CIMIP2C: variants seen among roughly 807,000 people sequenced by gnomAD.
CIMIP2C encodes UPF0573 protein C2orf70.
chr2:26,579,166 G>T, the CIMIP2C span: 1 of 1,034,884 alleles, frequency 9.7e-7, no homozygotes, highest in East Asian at 2.4e-5. Context: ...GACTTATCAG[G>T]TGTTAAACTG....
the CIMIP2C span, chr2:26,572,062 A>G: frequency 1.3e-6 from 2 of 1,524,750 alleles, no homozygotes; most frequent in South Asian, 1.3e-5. Flanking sequence ...AAAACCATCA[A>G]AGGACTAAAG....
chr2:26,565,389 C>A, the CIMIP2C span, among the ~76,000 whole-genome samples: 2 of 152,218 alleles, frequency 1.3e-5, no homozygotes, highest in Non-Finnish European at 2.9e-5. Flanking sequence ...CCACGCCTGG[C>A]CTTTTTTCTT....
chr2:26,575,471 G>C, the CIMIP2C span, among the ~76,000 whole-genome samples: 6 of 152,196 alleles, frequency 3.9e-5, no homozygotes, highest in Non-Finnish European at 8.8e-5. Flanking sequence ...GCATTGACTG[G>C]GGGGGTATCT....
chr2:26,568,649 T>C, the CIMIP2C span, among the ~76,000 whole-genome samples: 1 of 152,206 alleles, frequency 6.6e-6, no homozygotes, highest in African/African-American at 2.4e-5. Flanking sequence ...CATGCCAGTA[T>C]GAGTACAACA....
At chr2:26,577,669 G>T in the CIMIP2C span, 1 of 1,462,038 alleles carries the variant, frequency 6.8e-7, no homozygotes, top group African/African-American at 1.4e-5. Flanking sequence ...GTCAAGAAAC[G>T]CACCCATGGG....
the CIMIP2C span, among the ~76,000 whole-genome samples, chr2:26,565,058 TTCTTCC>T: frequency 4.7e-5 from 7 of 148,582 alleles, no homozygotes; most frequent in East Asian, 3.9e-4. Context: ...CTTCTCCTTC[TTCTTCC>T]CCTTCCCCTT....
At chr2:26,575,958 C>T in the CIMIP2C span, 1 of 1,614,074 alleles carries the variant, frequency 6.2e-7, no homozygotes, top group South Asian at 1.1e-5. Context: ...TACGGCACCA[C>T]CACCCTCAAG....
At chr2:26,577,472 C>A in the CIMIP2C span, 9 of 1,558,282 alleles carry the variant, frequency 5.8e-6, no homozygotes, top group Non-Finnish European at 8.0e-6. Context: ...GTGGTCAGTC[C>A]TGTGCACTAA....
chr2:26,570,895 A>G, the CIMIP2C span, among the ~76,000 whole-genome samples: 4 of 152,132 alleles, frequency 2.6e-5, no homozygotes, highest in African/African-American at 9.7e-5. Flanking sequence ...GCCACAGGCC[A>G]GTGGCTAAGG....
the CIMIP2C span, among the ~76,000 whole-genome samples, chr2:26,563,838 A>AG: frequency 1.3e-5 from 2 of 152,220 alleles, no homozygotes; most frequent in Non-Finnish European, 2.9e-5. Flanking sequence ...AGTAGCAACC[A>AG]GGGGCTGGTG....
At chr2:26,577,515 G>A in the CIMIP2C span, 1 of 1,612,316 alleles carries the variant, frequency 6.2e-7, no homozygotes, top group South Asian at 1.1e-5. Context: ...TTGAACCATA[G>A]ATGGTCCAGC....
chr2:26,573,879 G>T, the CIMIP2C span, among the ~76,000 whole-genome samples: 1 of 152,238 alleles, frequency 6.6e-6, no homozygotes, highest in Non-Finnish European at 1.5e-5. Context: ...ACCCCAGGAA[G>T]GCACAACTGT....
chr2:26,573,017 G>A, the CIMIP2C span, among the ~76,000 whole-genome samples: 1 of 152,228 alleles, frequency 6.6e-6, no homozygotes, highest in African/African-American at 2.4e-5. Context: ...CACGTCACAG[G>A]TTAGGTTTTT....
the CIMIP2C span, among the ~76,000 whole-genome samples, chr2:26,574,560 C>T: frequency 6.6e-6 from 1 of 152,196 alleles, no homozygotes; most frequent in Non-Finnish European, 1.5e-5. Flanking sequence ...CAGCCTAAGG[C>T]TTGGAGAGAA....
chr2:26,575,507 C>T, the CIMIP2C span, among the ~76,000 whole-genome samples: 1 of 152,172 alleles, frequency 6.6e-6, no homozygotes, highest in Non-Finnish European at 1.5e-5. Flanking sequence ...GTGTAAGCCC[C>T]TGGTCTGGAG....
At chr2:26,577,171 G>A in the CIMIP2C span, among the ~76,000 whole-genome samples, 28 of 152,220 alleles carry the variant, frequency 1.8e-4, no homozygotes, top group African/African-American at 6.3e-4. Context: ...GGAAACACAG[G>A]CCAGGCGGAC....
At chr2:26,576,279 A>C in the CIMIP2C span, 3 of 1,329,248 alleles carry the variant, frequency 2.3e-6, no homozygotes, top group East Asian at 4.9e-5. Context: ...CGCACCTGCC[A>C]CAGTGTCTTG....
At chr2:26,569,350 A>G in the CIMIP2C span, among the ~76,000 whole-genome samples, 1 of 152,160 alleles carries the variant, frequency 6.6e-6, no homozygotes, top group East Asian at 1.9e-4. Flanking sequence ...TGCGGCTGGA[A>G]AGCATTCTCA....
the CIMIP2C span, among the ~76,000 whole-genome samples, chr2:26,567,256 T>C: frequency 6.6e-6 from 1 of 152,196 alleles, no homozygotes; most frequent in African/African-American, 2.4e-5. Flanking sequence ...AATTGAATCA[T>C]GGGGGCAGTT....
Sources: gnomAD v4.1 joint callset for allele counts (sites outside exome capture counted in the v4.1 genomes callset) on GRCh38, gnomAD v4.1.1 for gene constraint, MANE v1.5 for transcripts, NCBI Gene and HGNC (gene_info 2026-07-23, HGNC 2026-07-21) for gene names.